TSGA13: variants seen among roughly 807,000 people sequenced by gnomAD.
TSGA13 encodes testis specific 13, also known as testis-specific gene 13 protein.
A neutral mutation model predicts 35.1 loss-of-function variants in TSGA13; 37 were observed. The ratio of observed to expected loss-of-function variants is 1.05; its 90% CI spans 0.81 to 1.39. The LOEUF is 1.39. TSGA13 is among the 40% of genes most tolerant of loss of function. TSGA13 has a pLI of 0.00. For synonymous variants in TSGA13, 124 were observed against 121.2 expected (o/e 1.02, Z -0.15); for missense variants, 338 against 328.5 (o/e 1.03, Z -0.22).
At chr7:130,686,130 A>G (rs1796652427) in intron 1 of TSGA13, 132 bp downstream of exon 1, 1 of 152,226 alleles carries the variant, frequency 6.6e-6, no homozygotes, top group African/African-American at 2.4e-5. Flanking sequence ...CCCATAGACA[A>G]GGGTTTATGT....
At chr7:130,673,254 T>C (rs782672280) in intron 5 of TSGA13, among the ~76,000 whole-genome samples, 1 of 152,230 alleles carries the variant, frequency 6.6e-6, no homozygotes, top group Non-Finnish European at 1.5e-5. Context: ...TTTACCTTCC[T>C]TTCTTGGAGA....
At chr7:130,669,597 T>G (rs1168649504) in intron 7 of TSGA13, among the ~76,000 whole-genome samples, 1 of 152,262 alleles carries the variant, frequency 6.6e-6, no homozygotes, top group Non-Finnish European at 1.5e-5. Context: ...TGGCATAACT[T>G]GTTTAGAAAT....
chr7:130,683,042 TA>T (rs1277832346), intron 3 of TSGA13, among the ~76,000 whole-genome samples: 1 of 152,056 alleles, frequency 6.6e-6, no homozygotes, highest in Non-Finnish European at 1.5e-5. Context: ...ACAGGTTTTT[TA>T]AAAAAAATAA....
At chr7:130,680,900 T>C in intron 4 of TSGA13, 46 bp downstream of exon 4, 1 of 1,585,768 alleles carries the variant, frequency 6.3e-7, no homozygotes, top group Non-Finnish European at 8.7e-7. Context: ...GCACCACTGC[T>C]GAAACTTCCC....
chr7:130,687,339 G>T (rs1371747694), upstream of TSGA13: 1 of 152,204 alleles, frequency 6.6e-6, no homozygotes, highest in Non-Finnish European at 1.5e-5. Context: ...TGCGGGTCTT[G>T]TCTGCCTCTT....
intron 2 of TSGA13, among the ~76,000 whole-genome samples, chr7:130,683,928 G>T (rs895997961): frequency 6.6e-6 from 1 of 152,198 alleles, no homozygotes; most frequent in Non-Finnish European, 1.5e-5. Context: ...CATTGAGTTG[G>T]TTTCTTCTAA....
chr7:130,681,513 G>A (rs1036170642), intron 3 of TSGA13, among the ~76,000 whole-genome samples: 10 of 151,914 alleles, frequency 6.6e-5, no homozygotes, highest in Admixed American at 5.2e-4. Flanking sequence ...GCTGGGAGCC[G>A]ACCTACTCAC....
chr7:130,676,828 TATTTA>T (rs1166177732), intron 5 of TSGA13, among the ~76,000 whole-genome samples: 24 of 152,346 alleles, frequency 1.6e-4, no homozygotes, highest in Non-Finnish European at 3.1e-4. Context: ...TTAACTCATT[TATTTA>T]ATTTGTTCTT....
rs183711896 is a variant in TSGA13, at chr7:130,674,019, C to T, written c.388-1143G>A. 2.5e-3 allele frequency among the ~76,000 whole-genome samples: 381 copies of T among 150,772 alleles called. 2 individuals are homozygous for T. The highest frequency in any genetic ancestry group is 8.7e-3 in the African/African-American group (359 of 41,044). On this transcript the variant is annotated intron_variant, in intron 5 of 7. Transcript: ENST00000356588. Reference sequence around the variant, plus strand: ...CTGAGGCAGGAGAATCGCTTGAACCCAGGAGTCAGAGGTTGCAGTGAGCCG... The same window carrying T: ...CTGAGGCAGGAGAATCGCTTGAACCTAGGAGTCAGAGGTTGCAGTGAGCCG...
chr7:130,672,511 T>C (rs991887572), intron 6 of TSGA13, among the ~76,000 whole-genome samples: 1 of 152,172 alleles, frequency 6.6e-6, no homozygotes, highest in Non-Finnish European at 1.5e-5. Context: ...TTGGAATATT[T>C]CCCCTCAATC....
intron 5 of TSGA13, 45 bp from the exon 6 acceptor site, chr7:130,672,921 C>T (rs1400968016): frequency 6.4e-7 from 1 of 1,551,054 alleles, no homozygotes; most frequent in South Asian, 1.2e-5. Flanking sequence ...AAGCTGAGTC[C>T]CTTGGGATTT....
chr7:130,675,329 C>T (rs1295984357), intron 5 of TSGA13, among the ~76,000 whole-genome samples: 2 of 145,736 alleles, frequency 1.4e-5, no homozygotes, highest in Non-Finnish European at 3.0e-5. Context: ...TTCCCATACT[C>T]GACTTCATGG....
intron 5 of TSGA13, among the ~76,000 whole-genome samples, chr7:130,676,291 A>T (rs1245162706): frequency 1.3e-5 from 2 of 152,250 alleles, no homozygotes; most frequent in Admixed American, 6.5e-5. Flanking sequence ...TGATAGCCCC[A>T]TAAAATTACC....
At chr7:130,685,913 C>T (rs1279786548) in intron 1 of TSGA13, among the ~76,000 whole-genome samples, 1 of 152,150 alleles carries the variant, frequency 6.6e-6, no homozygotes, top group African/African-American at 2.4e-5. Flanking sequence ...GGGATGTTTC[C>T]TAAAGGTTGT....
Position 130,669,302 on chromosome 7 carries a change from A to G in TSGA13, c.659-119T>C, listed in dbSNP as rs536834210. On this transcript the variant is annotated intron_variant, in intron 7 of 7. Coordinates refer to ENST00000356588, the MANE Select transcript of TSGA13 (RefSeq NM_052933.4). ...GACCAGAGGCTGGTCTTTAGAGGGT[A>G]GATTTTGGACCGTGTAATACCATTC... The G allele has an allele frequency of 1.7e-5, 21 of 1,264,580 alleles. No individual in the cohort carries two copies. In the South Asian group the frequency reaches 1.9e-4, roughly 12 times the overall value. 78.3% of individuals were successfully genotyped at this position (1,264,580 alleles called of 1,614,324 possible). A position where few individuals can be genotyped will look rare whatever the true frequency, so the allele number is the denominator to read the frequency against.
intron 2 of TSGA13, among the ~76,000 whole-genome samples, chr7:130,684,071 A>C (rs1554465445): frequency 6.6e-6 from 1 of 152,218 alleles, no homozygotes; most frequent in Non-Finnish European, 1.5e-5. Flanking sequence ...TTCTTCTTCC[A>C]CATGGAAATT....
intron 3 of TSGA13, among the ~76,000 whole-genome samples, chr7:130,682,740 A>T (rs1554465293): frequency 6.6e-6 from 1 of 152,220 alleles, no homozygotes; most frequent in African/African-American, 2.4e-5. Context: ...TGCTCCAGGA[A>T]GAAAAGGCCA....
At chr7:130,683,817 C>A in intron 2 of TSGA13, 145 bp from the exon 3 acceptor site, 1 of 625,664 alleles carries the variant, frequency 1.6e-6, no homozygotes. Flanking sequence ...GACTAAGTAG[C>A]AAAAAAATCA....
intron 3 of TSGA13, among the ~76,000 whole-genome samples, chr7:130,683,003 G>C (rs561205255): frequency 1.8e-3 from 278 of 152,222 alleles, no homozygotes; most frequent in Non-Finnish European, 3.2e-3. Context: ...AAACTTATTT[G>C]GGAGAAAGGT....
Sources: allele counts gnomAD v4.1 joint callset (sites outside exome capture counted in the v4.1 genomes callset), GRCh38; gene constraint gnomAD v4.1.1; transcripts MANE v1.5; gene names NCBI Gene and HGNC (gene_info 2026-07-23, HGNC 2026-07-21).